The following JAKMIP2 variants were observed in gnomAD, a reference collection of about 807,000 sequenced individuals.
JAKMIP2 encodes janus kinase and microtubule interacting protein 2.
In JAKMIP2, 25 loss-of-function variants were observed where a neutral mutation model predicts 115.0. The ratio of observed to expected loss-of-function variants is 0.22; its 90% CI spans 0.16 to 0.30. The LOEUF is 0.30. JAKMIP2 is among the 10% of genes least tolerant of loss of function. The probability of loss-of-function intolerance (pLI) is 1.00; values close to 1 mark genes in which losing one functional copy is unlikely to be tolerated. For missense variants in JAKMIP2, 642 were observed against 957.6 expected (o/e 0.67, Z 4.35); for synonymous variants, 334 against 343.6 (o/e 0.97, Z 0.31).
At chr5:147,665,843 G>T (rs1244767154) in intron 2 of JAKMIP2, among the ~76,000 whole-genome samples, 2 of 152,144 alleles carry the variant, frequency 1.3e-5, no homozygotes, top group Non-Finnish European at 1.5e-5. Flanking sequence ...TTCTCTGGAG[G>T]TGCATCAAAT....
At chr5:147,661,594 G>A in intron 2 of JAKMIP2, 149 bp from the exon 3 acceptor site, 1 of 722,500 alleles carries the variant, frequency 1.4e-6, no homozygotes, top group Non-Finnish European at 2.3e-6. Context: ...AGAACTACAG[G>A]CCTTGAAGCT....
At chr5:147,606,322 C>T (rs571364207) in intron 20 of JAKMIP2, among the ~76,000 whole-genome samples, 1 of 152,086 alleles carries the variant, frequency 6.6e-6, no homozygotes, top group Non-Finnish European at 1.5e-5. Flanking sequence ...TTAGGTCTTA[C>T]GTTTAAATCT....
At chr5:147,701,397 A>G (rs1051164332) in intron 1 of JAKMIP2, among the ~76,000 whole-genome samples, 3 of 152,176 alleles carry the variant, frequency 2.0e-5, no homozygotes, top group Non-Finnish European at 4.4e-5. Context: ...CTTGTGAGCA[A>G]AAGTTACTTG....
At chr5:147,738,724 T>G (rs1580859026) in intron 1 of JAKMIP2, among the ~76,000 whole-genome samples, 1 of 152,224 alleles carries the variant, frequency 6.6e-6, no homozygotes, top group East Asian at 1.9e-4. Flanking sequence ...TACAAAAAGG[T>G]GAAGTTTAGT....
At chr5:147,686,097 T>C (rs1006617530) in intron 1 of JAKMIP2, among the ~76,000 whole-genome samples, 1 of 152,180 alleles carries the variant, frequency 6.6e-6, no homozygotes, top group African/African-American at 2.4e-5. Flanking sequence ...ATAGGGACCT[T>C]GTTCCTAATC....
intron 16 of JAKMIP2, among the ~76,000 whole-genome samples, chr5:147,624,986 A>T (rs1007023992): frequency 6.8e-6 from 1 of 146,570 alleles, no homozygotes; most frequent in African/African-American, 2.4e-5. Flanking sequence ...TTATTTATTT[A>T]TTATTATTTT....
chr5:147,661,232 T>G lies in JAKMIP2; in HGVS notation c.343A>C (p.Lys115Gln). ...KVRDGEIQRLKSALCALRDGS... is the reference protein window; with the variant it reads ...KVRDGEIQRLQSALCALRDGS... ...TCGCGGAGAGCACAGAGAGCAGACT[T>G]GAGCCTCTGGATCTCTCCATCACGT... The change falls in exon 3 of 22, where the codon AAG (lysine) becomes CAG (glutamine). Residue 115 changes from lysine to glutamine, a missense_variant. By Grantham distance (53) the Lys-to-Gln change is moderately conservative. Transcript: ENST00000616793. 6.2e-7 allele frequency: 1 copy of G among 1,613,970 alleles called. No homozygotes were observed. The highest frequency in any genetic ancestry group is 1.1e-5 in the South Asian group (1 of 91,066).
rs145226509 is a variant in JAKMIP2, at chr5:147,701,351, A to T, written c.-148-29397T>A. On this transcript the variant is annotated intron_variant, in intron 1 of 21. Transcript: ENST00000616793. Reference sequence around the variant, plus strand: ...TCATAGTTAGTGCAAGTAAGATGAAAAGCAGCCTCTACTTGAAAAGGAAGG... The same window carrying T: ...TCATAGTTAGTGCAAGTAAGATGAATAGCAGCCTCTACTTGAAAAGGAAGG... Among the ~76,000 whole-genome samples, 633 of 152,288 alleles carry T rather than the reference A, an allele frequency of 4.2e-3. 11 individuals carry two copies. The highest frequency in any genetic ancestry group is 0.015 in the African/African-American group (608 of 41,564).
chr5:147,623,818 C>T, intron 16 of JAKMIP2, 129 bp from the exon 17 acceptor site: 1 of 556,556 alleles, frequency 1.8e-6, no homozygotes, highest in Admixed American at 3.4e-5. Flanking sequence ...GAAGCAAAAA[C>T]AACACCTTTT....
intron 5 of JAKMIP2, among the ~76,000 whole-genome samples, chr5:147,646,109 T>G (rs1758120333): frequency 1.3e-5 from 2 of 152,232 alleles, no homozygotes; most frequent in Admixed American, 6.5e-5. Flanking sequence ...CGCACTACTG[T>G]TCTTGAGATT....
chr5:147,630,218 T>A (rs545924926), intron 14 of JAKMIP2, among the ~76,000 whole-genome samples: 1 of 152,172 alleles, frequency 6.6e-6, no homozygotes, highest in African/African-American at 2.4e-5. Context: ...TTGACTGCCA[T>A]GTAGAAAACT....
chr5:147,591,611 G>A lies in JAKMIP2; in HGVS notation c.*96C>T, dbSNP rs1384209181. On this transcript the variant is annotated 3_prime_UTR_variant, in exon 22 of 22. Transcript: ENST00000616793. ...TTAGCTTTTGATCTCCCTCTCACTG[G>A]TGTAAACAATTTTGCCATCTTTGAA... 8.6e-6 allele frequency: 12 copies of A among 1,394,198 alleles called. No individual in the cohort carries two copies. The highest frequency in any genetic ancestry group is 1.2e-5 in the Non-Finnish European group (12 of 985,210). The allele number at this position is 1,394,198 out of a possible 1,614,324, so 86.4% of individuals were successfully genotyped here.
intron 1 of JAKMIP2, among the ~76,000 whole-genome samples, chr5:147,777,988 T>C (rs1284437871): frequency 6.6e-6 from 1 of 152,108 alleles, no homozygotes; most frequent in African/African-American, 2.4e-5. Context: ...ACAATATCAT[T>C]TTTACTTTTA....
chr5:147,752,553 G>A (rs1308637908), intron 1 of JAKMIP2, among the ~76,000 whole-genome samples: 1 of 152,196 alleles, frequency 6.6e-6, no homozygotes, highest in Admixed American at 6.5e-5. Flanking sequence ...GGTTGTGACA[G>A]AGACCTACCT....
chr5:147,669,935 C>A (rs1303879406), intron 2 of JAKMIP2, among the ~76,000 whole-genome samples: 1 of 152,186 alleles, frequency 6.6e-6, no homozygotes, highest in Non-Finnish European at 1.5e-5. Flanking sequence ...TATACCATTG[C>A]ACAGTGATGC....
chr5:147,711,271 T>C (rs1185929850), intron 1 of JAKMIP2, among the ~76,000 whole-genome samples: 2 of 152,062 alleles, frequency 1.3e-5, no homozygotes, highest in African/African-American at 4.8e-5. Flanking sequence ...CATAATGAGG[T>C]AGTTGGCAAG....
At chr5:147,669,287 C>T (rs755312994) in intron 2 of JAKMIP2, among the ~76,000 whole-genome samples, 1 of 152,096 alleles carries the variant, frequency 6.6e-6, no homozygotes, top group African/African-American at 2.4e-5. Context: ...TGAGCTGGGA[C>T]CGTAATTAAC....
intron 1 of JAKMIP2, among the ~76,000 whole-genome samples, chr5:147,766,926 C>A (rs527257762): frequency 2.6e-5 from 4 of 151,972 alleles, no homozygotes; most frequent in African/African-American, 9.6e-5. Context: ...GGAAAGTGGC[C>A]GTAATATAAA....
At chr5:147,635,042 T>C (rs1757545701) in intron 12 of JAKMIP2, among the ~76,000 whole-genome samples, 1 of 152,206 alleles carries the variant, frequency 6.6e-6, no homozygotes, top group African/African-American at 2.4e-5. Context: ...TCAGATGTGG[T>C]GGCACATGCC....
Sources: allele counts gnomAD v4.1 joint callset (sites outside exome capture counted in the v4.1 genomes callset), GRCh38; gene constraint gnomAD v4.1.1; transcripts MANE v1.5; gene names NCBI Gene and HGNC (gene_info 2026-07-23, HGNC 2026-07-21).